Variants in RIPOR2 observed in about 807,000 individuals in gnomAD.
RIPOR2 encodes rho family-interacting cell polarization regulator 2.
Under a neutral mutation model 114.5 loss-of-function variants are expected in RIPOR2, and 39 were observed. The observed-to-expected ratio is 0.34, with a 90% CI of 0.26 to 0.44. RIPOR2 has a LOEUF of 0.44. Ranked by LOEUF, RIPOR2 falls within the 20% of genes least tolerant of loss-of-function variation. RIPOR2 has a pLI of 1.00. For missense variants in RIPOR2, 1,007 were observed against 1,255.1 expected (o/e 0.80, Z 2.99); for synonymous variants, 445 against 484.4 (o/e 0.92, Z 1.07).
chr6:24,836,285 A>G (rs753707228), intron 14 of RIPOR2, among the ~76,000 whole-genome samples: 2 of 152,210 alleles, frequency 1.3e-5, no homozygotes, highest in Non-Finnish European at 2.9e-5. Context: ...ATAATCTGCC[A>G]AGGTTTTTTC....
chr6:24,843,697 CCGTGTG>C (rs1761969426), intron 12 of RIPOR2, 143 bp from the exon 13 acceptor site: 8 of 472,058 alleles, frequency 1.7e-5, no homozygotes, highest in South Asian at 1.3e-4. Flanking sequence ...TTTGTTGATG[CCGTGTG>C]TGTGTGTGTG....
intron 1 of RIPOR2, chr6:25,024,613 A>T: frequency 2.2e-6 from 1 of 458,120 alleles, no homozygotes; most frequent in Non-Finnish European, 4.1e-6. Flanking sequence ...AACCATTGTT[A>T]AAGGTTTCCA....
chr6:25,036,157 C>A (rs733535), intron 1 of RIPOR2, among the ~76,000 whole-genome samples: 13,905 of 152,174 alleles, frequency 0.091, 733 homozygotes, highest in African/African-American at 0.15. Context: ...AGGAGAATGG[C>A]CGGCGAAGCA....
chr6:25,041,527 C>G (rs1399638382), intron 1 of RIPOR2, among the ~76,000 whole-genome samples: 1 of 152,226 alleles, frequency 6.6e-6, no homozygotes, highest in Non-Finnish European at 1.5e-5. Flanking sequence ...TCACATGACT[C>G]CTTGACCGAT....
Position 24,865,421 on chromosome 6 carries a change from G to T in RIPOR2, c.531C>A (p.Ile177=), listed in dbSNP as rs745479041. The change falls in exon 7 of 22, where the codon ATC becomes ATA. Residue 177 remains isoleucine (I), a synonymous_variant. Coordinates refer to ENST00000643898, the MANE Select transcript of RIPOR2 (RefSeq NM_001286445.3). ...TGGCACCATCCTGGAGGCGTCGCTG[G>T]ATACAATAAGCTTCATAGAGTTCAT... is the stretch of plus-strand genomic sequence containing the variant. ...KVDELYEAYC[I]QRRLQDGASK... is the part of the protein sequence containing the mutation. 12 of 1,613,122 alleles carry T rather than the reference G, an allele frequency of 7.4e-6. No individual in the cohort carries two copies. The South Asian group carries it at 1.3e-4, about 18-fold the overall frequency.
intron 13 of RIPOR2, chr6:24,840,746 T>C: frequency 6.5e-7 from 1 of 1,535,548 alleles, no homozygotes; most frequent in Non-Finnish European, 8.7e-7. Context: ...CAGCACCATT[T>C]AGTTTCTGAT....
intron 1 of RIPOR2, among the ~76,000 whole-genome samples, chr6:24,904,074 A>G (rs1768732508): frequency 6.6e-6 from 1 of 152,242 alleles, no homozygotes; most frequent in Admixed American, 6.5e-5. Context: ...TCTCCGTCAA[A>G]TGCACTTGCA....
chr6:24,854,426 T>C (rs1181280305), intron 8 of RIPOR2, among the ~76,000 whole-genome samples: 2 of 152,196 alleles, frequency 1.3e-5, no homozygotes, highest in Non-Finnish European at 2.9e-5. Context: ...ATGTCTACTG[T>C]GTCAAGCATG....
chr6:24,876,217 A>C (rs1403577517), intron 1 of RIPOR2, among the ~76,000 whole-genome samples: 1 of 151,926 alleles, frequency 6.6e-6, no homozygotes, highest in Non-Finnish European at 1.5e-5. Flanking sequence ...TTGAACCCAG[A>C]AGGCGAAGGT....
At chr6:24,913,177 GTA>G (rs951194116) in intron 1 of RIPOR2, among the ~76,000 whole-genome samples, 226 of 151,284 alleles carry the variant, frequency 1.5e-3, no homozygotes, top group South Asian at 5.8e-3. Flanking sequence ...GTGTGTGTGT[GTA>G]TGTGCACATA....
At chr6:24,868,683 T>C (rs2747670) in intron 6 of RIPOR2, among the ~76,000 whole-genome samples, 103,884 of 152,028 alleles carry the variant, frequency 0.68, 35,935 homozygotes, top group African/African-American at 0.78. Context: ...GCTGAGACAG[T>C]GGTCTTTTGG....
At chr6:24,855,297 C>A in intron 8 of RIPOR2, among the ~76,000 whole-genome samples, 1 of 151,376 alleles carries the variant, frequency 6.6e-6, no homozygotes. Flanking sequence ...AGTGTGTATA[C>A]ACAGAAAAGT....
At chr6:24,838,604 C>T (rs1761322707) in intron 14 of RIPOR2, among the ~76,000 whole-genome samples, 1 of 152,042 alleles carries the variant, frequency 6.6e-6, no homozygotes, top group Non-Finnish European at 1.5e-5. Flanking sequence ...CCAGCTTGGC[C>T]AACATGGTGA....
At position 24,806,370 on chromosome 6, in the gene RIPOR2, T is replaced by G. The variant is rs1361240947; in HGVS notation, c.*3A>C. 6.5e-7 allele frequency: 1 copy of G among 1,538,796 alleles called. No homozygotes were observed. Among genetic ancestry groups the G allele is most frequent in the East Asian group, 2.4e-5 (1 of 40,874 alleles). Reference sequence around the variant, plus strand: ...AGACAGCTGTTAGGCAGTTAACCTGTAATTAAAAGGCTGTGGCAACTTCAG... The same window carrying G: ...AGACAGCTGTTAGGCAGTTAACCTGGAATTAAAAGGCTGTGGCAACTTCAG... On this transcript the variant is annotated 3_prime_UTR_variant, in exon 22 of 22. Coordinates refer to ENST00000643898, the MANE Select transcript of RIPOR2 (RefSeq NM_001286445.3).
chr6:24,989,378 C>T (rs1774685238), intron 1 of RIPOR2, among the ~76,000 whole-genome samples: 1 of 151,718 alleles, frequency 6.6e-6, no homozygotes, highest in Admixed American at 6.6e-5. Flanking sequence ...TCACTGCAAC[C>T]TCCGCCTCCT....
intron 1 of RIPOR2, among the ~76,000 whole-genome samples, chr6:24,957,997 G>A (rs1361883700): frequency 1.3e-5 from 2 of 151,926 alleles, no homozygotes; most frequent in Non-Finnish European, 2.9e-5. Flanking sequence ...ATGGTGACAA[G>A]TAACATACTC....
intron 1 of RIPOR2, among the ~76,000 whole-genome samples, chr6:25,007,205 T>C (rs897274066): frequency 6.6e-6 from 1 of 152,194 alleles, no homozygotes; most frequent in Non-Finnish European, 1.5e-5. Context: ...GAAAAGCCTA[T>C]TAAAGGCAAA....
chr6:24,901,995 C>G (rs537321760), intron 1 of RIPOR2, among the ~76,000 whole-genome samples: 2 of 152,210 alleles, frequency 1.3e-5, no homozygotes, highest in East Asian at 3.9e-4. Flanking sequence ...ACTAAAGTAT[C>G]GTGATGACTA....
chr6:24,925,323 G>A (rs1470120351), intron 1 of RIPOR2, among the ~76,000 whole-genome samples: 1 of 152,216 alleles, frequency 6.6e-6, no homozygotes, highest in Non-Finnish European at 1.5e-5. Flanking sequence ...TGTAGTCCTT[G>A]TTGTAAAGGA....
Sources: allele counts gnomAD v4.1 joint callset (sites outside exome capture counted in the v4.1 genomes callset), GRCh38; gene constraint gnomAD v4.1.1; transcripts MANE v1.5; gene names NCBI Gene and HGNC (gene_info 2026-07-23, HGNC 2026-07-21).